Variants in DYRK1A observed in about 807,000 individuals in gnomAD.
The protein encoded by DYRK1A is dual specificity tyrosine-phosphorylation-regulated kinase 1A.
Under a neutral mutation model 79.7 loss-of-function variants are expected in DYRK1A, and 9 were observed. The ratio of observed to expected loss-of-function variants is 0.11; its 90% CI spans 0.07 to 0.20. The LOEUF is 0.20. Ranked by LOEUF, DYRK1A falls within the 10% of genes least tolerant of loss-of-function variation. The pLI is 1.00. For missense variants in DYRK1A, 622 were observed against 956.0 expected (o/e 0.65, Z 4.61); for synonymous variants, 349 against 329.7 (o/e 1.06, Z -0.63).
intron 1 of DYRK1A, among the ~76,000 whole-genome samples, chr21:37,400,774 GAA>G (rs776274235): frequency 8.5e-5 from 13 of 152,292 alleles, no homozygotes; most frequent in Non-Finnish European, 1.6e-4. Flanking sequence ...TATTGACTGA[GAA>G]AGTGCAGATT....
In DYRK1A at chr21:37,446,195, GT is replaced by G. The variant is rs139889121; in HGVS notation, c.10+25815del. On this transcript the variant is annotated intron_variant, in intron 2 of 11. Transcript: ENST00000647188. ...ATGCTACAACTGCAAGTTTGAAAAA[GT>G]TTTCCTGAGCATTGGGCCTCTCAAC... Among the ~76,000 whole-genome samples, 1,379 of 152,252 alleles carry G rather than the reference GT, an allele frequency of 9.1e-3. 19 individuals are homozygous for G. The highest frequency in any genetic ancestry group is 0.032 in the African/African-American group (1,323 of 41,548).
At chr21:37,441,523 T>C (rs1411279146) in intron 2 of DYRK1A, among the ~76,000 whole-genome samples, 1 of 152,158 alleles carries the variant, frequency 6.6e-6, no homozygotes, top group Non-Finnish European at 1.5e-5. Flanking sequence ...TTAAATGATT[T>C]GATTTTCTTC....
At chr21:37,450,360 G>A (rs2051405983) in intron 2 of DYRK1A, among the ~76,000 whole-genome samples, 1 of 152,272 alleles carries the variant, frequency 6.6e-6, no homozygotes, top group African/African-American at 2.4e-5. Flanking sequence ...TTCATCAGGA[G>A]AAATAAGTTG....
chr21:37,521,081 TGAA>T lies in DYRK1A; in HGVS notation c.*8554_*8556del, dbSNP rs2053931946. ...AGCTACTTAACATCTTCTGTAGTCT[TGAA>T]GAATTCAGATGAGGAGCTTGTCCAG... On this transcript the variant is annotated 3_prime_UTR_variant, in exon 12 of 12. Transcript: ENST00000647188. 1 of 152,230 alleles carries T rather than the reference TGAA, an allele frequency of 6.6e-6. No homozygotes were observed. Among genetic ancestry groups the T allele is most frequent in the South Asian group, 2.1e-4 (1 of 4,822 alleles). 9.4% of individuals were successfully genotyped at this position (152,230 alleles called of 1,614,324 possible). A position where few individuals can be genotyped will look rare whatever the true frequency, so the allele number is the denominator to read the frequency against.
intron 11 of DYRK1A, among the ~76,000 whole-genome samples, chr21:37,508,797 G>T (rs1311366042): frequency 6.6e-6 from 1 of 151,948 alleles, no homozygotes; most frequent in Non-Finnish European, 1.5e-5. Flanking sequence ...TGTGCTCTCA[G>T]CCTGGAACAC....
intron 10 of DYRK1A, 47 bp from the exon 11 acceptor site, chr21:37,506,052 T>C (rs1404320507): frequency 6.3e-7 from 1 of 1,575,192 alleles, no homozygotes; most frequent in Admixed American, 1.7e-5. Context: ...TTGAACAAAA[T>C]GAATTTTAAA....
chr21:37,407,678 A>G (rs2050173152), intron 1 of DYRK1A, among the ~76,000 whole-genome samples: 1 of 152,260 alleles, frequency 6.6e-6, no homozygotes, highest in Non-Finnish European at 1.5e-5. Context: ...GTTAAATTGT[A>G]TAATTCATCT....
At chr21:37,480,359 A>G (rs1400054915) in intron 4 of DYRK1A, among the ~76,000 whole-genome samples, 1 of 152,182 alleles carries the variant, frequency 6.6e-6, no homozygotes, top group African/African-American at 2.4e-5. Flanking sequence ...CTGTATATAA[A>G]TTATACTTCA....
chr21:37,455,601 C>T (rs546749441), intron 2 of DYRK1A, among the ~76,000 whole-genome samples: 2 of 152,246 alleles, frequency 1.3e-5, no homozygotes, highest in South Asian at 2.1e-4. Flanking sequence ...TCAGTCTGCT[C>T]TCAGAGTGTC....
At chr21:37,436,734 A>G (rs1428121602) in intron 2 of DYRK1A, among the ~76,000 whole-genome samples, 1 of 152,238 alleles carries the variant, frequency 6.6e-6, no homozygotes, top group Non-Finnish European at 1.5e-5. Context: ...ACATTAAACC[A>G]TAACATTTGA....
In DYRK1A at chr21:37,515,249, A is replaced by G. The variant is rs900876776; in HGVS notation, c.*2718A>G. The G allele has an allele frequency of 3.9e-5, 6 of 152,652 alleles. No homozygotes were observed. The highest frequency in any genetic ancestry group is 1.4e-4 in the African/African-American group (6 of 41,460). The allele number at this position is 152,652 out of a possible 1,614,324, so 9.5% of individuals were successfully genotyped here. On this transcript the variant is annotated 3_prime_UTR_variant, in exon 12 of 12. Transcript: ENST00000647188. ...AACATAGTAAAAATCTTCCTATGCA[A>G]TTAAACTGGTCCAGGTCTGGTAGGT...
chr21:37,394,607 A>G (rs2049928239), intron 1 of DYRK1A, among the ~76,000 whole-genome samples: 1 of 152,174 alleles, frequency 6.6e-6, no homozygotes, highest in Non-Finnish European at 1.5e-5. Flanking sequence ...CAGTGGCGGC[A>G]TTTGATTCTC....
intron 2 of DYRK1A, among the ~76,000 whole-genome samples, chr21:37,420,960 A>G (rs2050459331): frequency 6.6e-6 from 1 of 152,030 alleles, no homozygotes. Context: ...GGCATTTTTG[A>G]AAGAATATTT....
At chr21:37,457,022 TTACTTACTTAC>T (rs1569339417) in intron 2 of DYRK1A, among the ~76,000 whole-genome samples, 36 of 69,520 alleles carry the variant, frequency 5.2e-4, no homozygotes, top group African/African-American at 1.5e-3. Context: ...ATTTACTTAC[TTACTTACTTAC>T]TTACTTATTT....
intron 1 of DYRK1A, among the ~76,000 whole-genome samples, chr21:37,414,880 G>A (rs1210322383): frequency 6.6e-6 from 1 of 152,142 alleles, no homozygotes; most frequent in East Asian, 1.9e-4. Flanking sequence ...CATTCTAAAG[G>A]AAGACAGAGG....
At chr21:37,468,372 C>T (rs937835022) in intron 2 of DYRK1A, among the ~76,000 whole-genome samples, 1 of 152,078 alleles carries the variant, frequency 6.6e-6, no homozygotes, top group Non-Finnish European at 1.5e-5. Context: ...CTCCCAAAGC[C>T]CTGCAATTAC....
intron 4 of DYRK1A, among the ~76,000 whole-genome samples, chr21:37,479,369 G>A (rs545495199): frequency 2.0e-5 from 3 of 152,110 alleles, no homozygotes; most frequent in Non-Finnish European, 4.4e-5. Context: ...GTTATTATCT[G>A]ATAAATTGTT....
At chr21:37,464,423 A>C (rs2051955844) in intron 2 of DYRK1A, 1 of 318,684 alleles carries the variant, frequency 3.1e-6, no homozygotes. Context: ...AAACATGCTC[A>C]TGGTAAAAAT....
chr21:37,395,209 T>G (rs1357172568), intron 1 of DYRK1A, among the ~76,000 whole-genome samples: 1 of 152,214 alleles, frequency 6.6e-6, no homozygotes, highest in Non-Finnish European at 1.5e-5. Context: ...GTCCGAAAGC[T>G]CACTAGGAAA....
Sources: allele counts gnomAD v4.1 joint callset (sites outside exome capture counted in the v4.1 genomes callset), GRCh38; gene constraint gnomAD v4.1.1; transcripts MANE v1.5; gene names NCBI Gene and HGNC (gene_info 2026-07-23, HGNC 2026-07-21).